The following MAPK10 variants were observed in gnomAD, a reference collection of about 807,000 sequenced individuals.
The protein encoded by MAPK10 is JNK3 alpha protein kinase.
Under a neutral mutation model 59.3 loss-of-function variants are expected in MAPK10, and 25 were observed. The ratio of observed to expected loss-of-function variants is 0.42; its 90% confidence interval spans 0.31 to 0.59. The LOEUF (loss-of-function observed/expected upper bound fraction) is 0.59. Ranked by LOEUF, MAPK10 falls within the 20% of genes least tolerant of loss-of-function variation. The pLI is 0.15. For synonymous variants in MAPK10, 190 were observed against 200.5 expected, an observed-to-expected ratio of 0.95 and a Z score of 0.44; for missense variants, 351 against 568.9, an observed-to-expected ratio of 0.62 and a Z score of 3.90.
At chr4:86,318,381 T>TA (rs1168792062) in intron 2 of MAPK10, among the ~76,000 whole-genome samples, 4 of 151,990 alleles carry the variant, frequency 2.6e-5, no homozygotes, top group African/African-American at 7.2e-5. Context: ...ATAACAAAAC[T>TA]AAAAAAACTA....
At chr4:86,371,586 G>A (rs1340120507) in intron 1 of MAPK10, among the ~76,000 whole-genome samples, 1 of 152,184 alleles carries the variant, frequency 6.6e-6, no homozygotes, top group African/African-American at 2.4e-5. Context: ...CAATGATAAG[G>A]TGGCAAGATG....
chr4:86,486,400 A>G (rs570371446), intron 1 of MAPK10, among the ~76,000 whole-genome samples: 2 of 152,356 alleles, frequency 1.3e-5, no homozygotes, highest in Admixed American at 6.5e-5. Context: ...CAATGCAAGT[A>G]ACTTTTGATC....
rs1023783885 is a variant in MAPK10 at position 86,517,003 on chromosome 4, A to T, written c.-263+76907T>A. Among the ~76,000 whole-genome samples, 19 of 152,272 alleles carry T rather than the reference A, an allele frequency of 1.2e-4. 1 individual carries two copies. The Middle Eastern group carries it at 0.041, about 327-fold the overall frequency. On this transcript the variant is annotated intron_variant, in intron 1 of 4. Transcript: ENST00000502302. ...ATGTTTTGTTCCAGTTCTCAGGGGA[A>T]ATACTGTCAACTTTTCCCCATTTGT...
intron 2 of MAPK10, among the ~76,000 whole-genome samples, chr4:86,259,264 T>C (rs1416233042): frequency 1.3e-5 from 2 of 152,162 alleles, no homozygotes; most frequent in East Asian, 3.8e-4. Flanking sequence ...GAAATATCTA[T>C]ATTTCCATTC....
chr4:86,050,760 G>A (rs2043354651), intron 11 of MAPK10, among the ~76,000 whole-genome samples: 1 of 152,046 alleles, frequency 6.6e-6, no homozygotes, highest in Admixed American at 6.6e-5. Context: ...TGGTGCAAGA[G>A]GCATGAGCAG....
intron 2 of MAPK10, among the ~76,000 whole-genome samples, chr4:86,265,288 C>T (rs2094186067): frequency 6.6e-6 from 1 of 151,906 alleles, no homozygotes; most frequent in Admixed American, 6.6e-5. Flanking sequence ...GCAGGTGTAT[C>T]ACTTGAGGTC....
chr4:86,310,866 A>C (rs1389863433), intron 2 of MAPK10, among the ~76,000 whole-genome samples: 2 of 151,784 alleles, frequency 1.3e-5, no homozygotes, highest in African/African-American at 2.4e-5. Context: ...AATTTTAATT[A>C]TTTACTCCAC....
At chr4:86,352,156 C>T (rs941875808) in intron 2 of MAPK10, 3 of 151,970 alleles carry the variant, frequency 2.0e-5, no homozygotes, top group Admixed American at 6.6e-5. Context: ...AAATTAAAGG[C>T]GCACATACCC....
chr4:86,255,939 C>T, intron 2 of MAPK10, among the ~76,000 whole-genome samples: 1 of 151,256 alleles, frequency 6.6e-6, no homozygotes, highest in East Asian at 1.9e-4. Context: ...GTGCTTAGTA[C>T]CTAAAATATA....
intron 4 of MAPK10, among the ~76,000 whole-genome samples, chr4:86,148,606 A>C (rs975628331): frequency 1.3e-5 from 2 of 152,168 alleles, no homozygotes; most frequent in African/African-American, 2.4e-5. Flanking sequence ...CAGAAATAGA[A>C]ACAATTAGAC....
chr4:86,496,560 C>T lies in MAPK10; in HGVS notation c.-263+97350G>A, dbSNP rs1435363824. ...GTACCCCTGAAGTCCTCCTTCACCC[C>T]AGATCTTTTCAAGGCATTGAAAGGT... On this transcript the variant is annotated intron_variant, in intron 1 of 4. Transcript: ENST00000502302. Among the ~76,000 whole-genome samples, 3 of 152,120 alleles carry T rather than the reference C, an allele frequency of 2.0e-5. No homozygotes were observed. In the East Asian group the frequency reaches 5.8e-4, roughly 29 times the overall value.
chr4:86,354,735 T>C, intron 1 of MAPK10, 91 bp from the exon 2 acceptor site: 1 of 434,844 alleles, frequency 2.3e-6, no homozygotes. Flanking sequence ...AGACAGTTGG[T>C]TACTGGGTGG....
At chr4:86,178,421 T>A (rs1379972611) in intron 3 of MAPK10, among the ~76,000 whole-genome samples, 2 of 152,050 alleles carry the variant, frequency 1.3e-5, no homozygotes. Context: ...GCCTAACTAC[T>A]CCCTACCATG....
At chr4:86,266,483 T>C (rs2094242152) in intron 2 of MAPK10, among the ~76,000 whole-genome samples, 1 of 152,174 alleles carries the variant, frequency 6.6e-6, no homozygotes, top group African/African-American at 2.4e-5. Flanking sequence ...TATAATTTGG[T>C]TCCATTTGTA....
Position 86,058,569 on chromosome 4 carries a change from C to T in MAPK10, c.1110+5697G>A, listed in dbSNP as rs141988231. Reference sequence around the variant, plus strand: ...CTAGCTCCCATTGGACAGGCCATTACTACCTGGGCTCCAGTAAATCGCCCC... The same window carrying T: ...CTAGCTCCCATTGGACAGGCCATTATTACCTGGGCTCCAGTAAATCGCCCC... On this transcript the variant is annotated intron_variant, in intron 11 of 13. Transcript: ENST00000641462. Among the ~76,000 whole-genome samples the T allele has an allele frequency of 1.5e-4, 22 of 149,722 alleles. 3 individuals carry two copies. Among genetic ancestry groups the T allele is most frequent in the African/African-American group, 4.0e-4 (16 of 39,902 alleles).
rs564665603 is a variant in MAPK10, at chr4:86,178,669, G to T, written c.66+15667C>A. The stretch of plus-strand genomic sequence containing the variant: ...TCCACTATTATTCAACATAGTACTG[G>T]AAGAACTGGTCAAAGCAATTAGACA... On this transcript the variant is annotated intron_variant, in intron 3 of 13. Coordinates refer to ENST00000641462, the MANE Select transcript of MAPK10 (RefSeq NM_138982.4). Among the ~76,000 whole-genome samples the T allele has an allele frequency of 4.5e-4, 69 of 152,200 alleles. No individual in the cohort carries two copies. In the Middle Eastern group the frequency reaches 0.01, roughly 23 times the overall value.
At position 86,165,543 on chromosome 4, in the gene MAPK10, ATTTTTTTTTTTTTTT is replaced by A. The variant is rs10525325; in HGVS notation, c.67-6091_67-6077del. Among the ~76,000 whole-genome samples the A allele has an allele frequency of 3.7e-4, 21 of 57,294 alleles. 1 individual carries two copies. The highest frequency in any genetic ancestry group is 0.014 in the Middle Eastern group (1 of 72). The allele number at this position is 57,294 out of a possible 152,430, so 37.6% of individuals were successfully genotyped here. A position where few individuals can be genotyped will look rare whatever the true frequency, so the allele number is the denominator to read the frequency against. On this transcript the variant is annotated intron_variant, in intron 3 of 13. Coordinates refer to ENST00000641462, the MANE Select transcript of MAPK10 (RefSeq NM_138982.4). The stretch of plus-strand genomic sequence containing the variant: ...AGGCACATGCCACCACTCCCAGATA[ATTTTTTTTTTTTTTT>A]TTTTTTTTTTTTTTTTTTTTTTTTT...
intron 1 of MAPK10, among the ~76,000 whole-genome samples, chr4:86,400,140 ATCAT>A (rs1214659105): frequency 6.6e-6 from 1 of 152,166 alleles, no homozygotes; most frequent in Non-Finnish European, 1.5e-5. Context: ...CTGCTAAACT[ATCAT>A]TATTTTGCTA....
At chr4:86,539,832 G>A (rs1289399330) in intron 1 of MAPK10, among the ~76,000 whole-genome samples, 1 of 152,174 alleles carries the variant, frequency 6.6e-6, no homozygotes, top group Non-Finnish European at 1.5e-5. Context: ...AGAAATGTGT[G>A]TCCAAGGATG....
Sources: allele counts gnomAD v4.1 joint callset (sites outside exome capture counted in the v4.1 genomes callset), GRCh38; gene constraint gnomAD v4.1.1; transcripts MANE v1.5; gene names NCBI Gene and HGNC (gene_info 2026-07-23, HGNC 2026-07-21).